The following NOL10 variants were observed in gnomAD, a reference collection of about 807,000 sequenced individuals.
NOL10 encodes H_NH0074G24.1.
A neutral mutation model predicts 103.5 loss-of-function variants in NOL10; 58 were observed. That is an observed-to-expected ratio of 0.56 (90% CI 0.45 to 0.70). NOL10 has a LOEUF of 0.70. NOL10 is among the 30% of genes least tolerant of loss of function. The pLI is 0.00. For missense variants in NOL10, 763 were observed against 807.3 expected (o/e 0.95, Z 0.67); for synonymous variants, 287 against 282.5 (o/e 1.02, Z -0.16).
At chr2:10,593,669 C>T (rs1675514343) in intron 17 of NOL10, among the ~76,000 whole-genome samples, 1 of 151,988 alleles carries the variant, frequency 6.6e-6, no homozygotes, top group Non-Finnish European at 1.5e-5. Flanking sequence ...AAAATCACAC[C>T]CCAGCTCTGG....
intron 10 of NOL10, among the ~76,000 whole-genome samples, chr2:10,658,603 T>C (rs2148317219): frequency 6.6e-6 from 1 of 152,246 alleles, no homozygotes; most frequent in South Asian, 2.1e-4. Context: ...AACACACAAA[T>C]TTTGGAAATA....
At chr2:10,641,138 T>C (rs187038027) in intron 13 of NOL10, among the ~76,000 whole-genome samples, 93 of 143,094 alleles carry the variant, frequency 6.5e-4, no homozygotes, top group African/African-American at 2.3e-3. Context: ...CTGACCAACA[T>C]GGTGAAACCC....
chr2:10,573,283 TC>T (rs988141019), intron 20 of NOL10, among the ~76,000 whole-genome samples: 2 of 152,216 alleles, frequency 1.3e-5, no homozygotes, highest in African/African-American at 2.4e-5. Flanking sequence ...AACCTCTGCC[TC>T]CCGGATTCAA....
At chr2:10,689,139 T>C (rs1682432434) in intron 1 of NOL10, among the ~76,000 whole-genome samples, 1 of 152,180 alleles carries the variant, frequency 6.6e-6, no homozygotes, top group Non-Finnish European at 1.5e-5. Context: ...AGAGCCTAAG[T>C]GTGTCATGCT....
chr2:10,686,975 G>C (rs927199840), intron 1 of NOL10, among the ~76,000 whole-genome samples: 1 of 152,220 alleles, frequency 6.6e-6, no homozygotes, highest in Non-Finnish European at 1.5e-5. Context: ...GTAAGGGCTA[G>C]AAACATCAAT....
At chr2:10,645,960 C>CACAA (rs1465370248) in intron 12 of NOL10, among the ~76,000 whole-genome samples, 1 of 151,678 alleles carries the variant, frequency 6.6e-6, no homozygotes, top group Non-Finnish European at 1.5e-5. Flanking sequence ...CACACACACA[C>CACAA]ACACACACCC....
intron 17 of NOL10, among the ~76,000 whole-genome samples, chr2:10,590,083 C>T (rs1675316771): frequency 3.3e-5 from 5 of 152,026 alleles, no homozygotes; most frequent in Admixed American, 3.3e-4. Context: ...AAAAAAACAC[C>T]TTTCAAGAAG....
chr2:10,578,988 G>A (rs1298642749), intron 19 of NOL10, among the ~76,000 whole-genome samples: 2 of 152,210 alleles, frequency 1.3e-5, no homozygotes, highest in Admixed American at 6.5e-5. Flanking sequence ...GAAAAAGGCT[G>A]AACTGTGTGA....
chr2:10,616,462 C>T (rs559796593), intron 13 of NOL10, among the ~76,000 whole-genome samples: 5 of 152,194 alleles, frequency 3.3e-5, no homozygotes, highest in African/African-American at 1.2e-4. Context: ...TCAGGTGATC[C>T]GCCCGCCTTG....
chr2:10,650,175 T>A (rs1240132294), intron 12 of NOL10, among the ~76,000 whole-genome samples: 3 of 152,222 alleles, frequency 2.0e-5, no homozygotes, highest in Non-Finnish European at 4.4e-5. Flanking sequence ...GATAATTTTT[T>A]TTTTTAGGTC....
At chr2:10,660,782 C>T (rs1680146777) in intron 9 of NOL10, among the ~76,000 whole-genome samples, 1 of 151,960 alleles carries the variant, frequency 6.6e-6, no homozygotes, top group African/African-American at 2.4e-5. Context: ...CAGTTATTCT[C>T]CTGAGTTTCT....
At chr2:10,646,710 T>C (rs1054350102) in intron 12 of NOL10, among the ~76,000 whole-genome samples, 1 of 152,202 alleles carries the variant, frequency 6.6e-6, no homozygotes, top group African/African-American at 2.4e-5. Flanking sequence ...TCTCAGCAAG[T>C]TACCTCCCTT....
intron 13 of NOL10, among the ~76,000 whole-genome samples, chr2:10,636,140 G>C (rs888980131): frequency 6.6e-6 from 1 of 151,880 alleles, no homozygotes; most frequent in Non-Finnish European, 1.5e-5. Flanking sequence ...TACCCGCCTC[G>C]GCCTCCCAAA....
Position 10,627,678 on chromosome 2 carries a change from A to G in NOL10, c.1026+16642T>C, listed in dbSNP as rs182770264. Among the ~76,000 whole-genome samples, 420 of 148,446 alleles carry G rather than the reference A, an allele frequency of 2.8e-3. 12 individuals carry two copies. The highest frequency in any genetic ancestry group is 0.023 in the Admixed American group (341 of 14,840). The stretch of plus-strand genomic sequence containing the variant: ...TGACAGCGTAAGACTCCGTCTCAAA[A>G]AAAACAAACAAACAAACAAACAAAA... On this transcript the variant is annotated intron_variant, in intron 13 of 20. Coordinates refer to ENST00000381685, the MANE Select transcript of NOL10 (RefSeq NM_024894.4).
chr2:10,684,887 T>C (rs1004837005), intron 1 of NOL10, among the ~76,000 whole-genome samples: 5 of 152,228 alleles, frequency 3.3e-5, no homozygotes, highest in African/African-American at 1.2e-4. Context: ...TATAGTACAA[T>C]GATGCGATGT....
intron 13 of NOL10, among the ~76,000 whole-genome samples, chr2:10,621,291 T>C (rs1441093270): frequency 6.6e-6 from 1 of 152,148 alleles, no homozygotes; most frequent in African/African-American, 2.4e-5. Flanking sequence ...CCAACTGCTA[T>C]AATTCAATCA....
chr2:10,585,381 G>A (rs1022438775), intron 19 of NOL10, among the ~76,000 whole-genome samples: 3 of 152,140 alleles, frequency 2.0e-5, no homozygotes, highest in East Asian at 1.9e-4. Flanking sequence ...CAAGTTTGCC[G>A]GTTTCTGAAA....
chr2:10,642,562 C>T (rs1444982152), intron 13 of NOL10, among the ~76,000 whole-genome samples: 1 of 152,166 alleles, frequency 6.6e-6, no homozygotes, highest in Admixed American at 6.5e-5. Flanking sequence ...TGGCTTTCTA[C>T]CTGCCCCCAC....
intron 8 of NOL10, among the ~76,000 whole-genome samples, chr2:10,665,074 A>C (rs1409314780): frequency 6.6e-6 from 1 of 152,214 alleles, no homozygotes; most frequent in Non-Finnish European, 1.5e-5. Context: ...CCTTCAATAT[A>C]CTTAGGAGGT....
Sources: gnomAD v4.1 joint callset for allele counts (sites outside exome capture counted in the v4.1 genomes callset) on GRCh38, gnomAD v4.1.1 for gene constraint, MANE v1.5 for transcripts, NCBI Gene and HGNC (gene_info 2026-07-23, HGNC 2026-07-21) for gene names.